The following GSAP variants were observed in gnomAD, a reference collection of about 807,000 sequenced individuals.
GSAP encodes gamma-secretase activating protein.
GSAP carries 118 observed loss-of-function variants against 131.7 expected under a neutral mutation model. The ratio of observed to expected loss-of-function variants is 0.90; its 90% CI spans 0.77 to 1.04. The LOEUF is 1.04. GSAP is among the 50% of genes least tolerant of loss of function. The pLI, the probability that GSAP is intolerant of heterozygous loss-of-function variation, is 0.00. For missense variants in GSAP, 1,019 were observed against 1,013.2 expected, an observed-to-expected ratio of 1.01 and a Z score of -0.08; for synonymous variants, 381 against 363.4, an observed-to-expected ratio of 1.05 and a Z score of -0.55.
chr7:77,361,050 A>G, intron 13 of GSAP, 149 bp from the exon 14 acceptor site: 1 of 584,220 alleles, frequency 1.7e-6, no homozygotes, highest in South Asian at 1.9e-5. Context: ...GGTTCCCCTC[A>G]TTCTCCAAAA....
intron 14 of GSAP, among the ~76,000 whole-genome samples, chr7:77,358,045 G>A (rs1219438033): frequency 6.6e-6 from 1 of 152,090 alleles, no homozygotes. Flanking sequence ...ATAAGGTAGG[G>A]TATTATTTTT....
intron 6 of GSAP, among the ~76,000 whole-genome samples, chr7:77,383,289 C>T (rs1044496226): frequency 6.6e-6 from 1 of 151,550 alleles, no homozygotes; most frequent in Non-Finnish European, 1.5e-5. Context: ...AGAAACAATG[C>T]AAACAACATT....
At chr7:77,377,751 C>CAG (rs1166586218) in intron 8 of GSAP, among the ~76,000 whole-genome samples, 1 of 152,200 alleles carries the variant, frequency 6.6e-6, no homozygotes, top group Non-Finnish European at 1.5e-5. Context: ...CAAGCCTCTG[C>CAG]AGACAAGAGC....
At chr7:77,333,049 C>T (rs1437670081) in intron 19 of GSAP, among the ~76,000 whole-genome samples, 1 of 152,176 alleles carries the variant, frequency 6.6e-6, no homozygotes, top group African/African-American at 2.4e-5. Context: ...CACCTGTAGT[C>T]CCAGCTACTT....
chr7:77,401,450 A>G (rs1801296217), intron 3 of GSAP, among the ~76,000 whole-genome samples: 1 of 152,160 alleles, frequency 6.6e-6, no homozygotes, highest in African/African-American at 2.4e-5. Flanking sequence ...CATGTTTTTC[A>G]AGAGAGGAAC....
intron 5 of GSAP, among the ~76,000 whole-genome samples, chr7:77,392,458 G>A (rs74617735): frequency 0.064 from 9,768 of 151,738 alleles, 424 homozygotes; most frequent in Non-Finnish European, 0.09. Flanking sequence ...TGAGGCAGGA[G>A]TATCGCTTGA....
At chr7:77,336,968 T>C (rs1425600908) in intron 19 of GSAP, among the ~76,000 whole-genome samples, 1 of 152,218 alleles carries the variant, frequency 6.6e-6, no homozygotes, top group Non-Finnish European at 1.5e-5. Flanking sequence ...AACACTGCTA[T>C]TGATGCTACA....
At chr7:77,395,698 A>G (rs1800261286) in intron 5 of GSAP, among the ~76,000 whole-genome samples, 1 of 152,126 alleles carries the variant, frequency 6.6e-6, no homozygotes, top group Non-Finnish European at 1.5e-5. Flanking sequence ...TCCCTTGCAG[A>G]CTAGGCTCTG....
intron 19 of GSAP, among the ~76,000 whole-genome samples, chr7:77,346,719 A>G (rs1387910903): frequency 1.8e-5 from 2 of 110,620 alleles, no homozygotes; most frequent in Admixed American, 9.7e-5. Flanking sequence ...CAAAAAAAGA[A>G]AAAAAAAAAA....
intron 9 of GSAP, 28 bp downstream of exon 9, chr7:77,377,258 A>AAAAAAAAAAAAAAT: frequency 1.2e-5 from 17 of 1,400,672 alleles, no homozygotes; most frequent in South Asian, 3.5e-5. Context: ...AAAAAAAAAA[A>AAAAAAAAAAAAAAT]GGAGTGCCCG....
chr7:77,379,762 C>A (rs1478865230), intron 8 of GSAP: 1 of 500,212 alleles, frequency 2.0e-6, no homozygotes, highest in Non-Finnish European at 2.6e-6. Flanking sequence ...CCCTCTCTGT[C>A]CTTGTGCTCC....
chr7:77,339,312 G>A (rs1400547784), intron 19 of GSAP, among the ~76,000 whole-genome samples: 1 of 152,142 alleles, frequency 6.6e-6, no homozygotes. Flanking sequence ...GAAATAGCAG[G>A]ATCAAGTGTC....
chr7:77,407,025 C>A (rs1447404585), intron 1 of GSAP, among the ~76,000 whole-genome samples: 1 of 152,122 alleles, frequency 6.6e-6, no homozygotes. Flanking sequence ...GGCTGGCCAG[C>A]GGGGCCTGAA....
At chr7:77,365,058 TCAAA>T (rs956445472) in intron 12 of GSAP, among the ~76,000 whole-genome samples, 6 of 152,306 alleles carry the variant, frequency 3.9e-5, no homozygotes, top group Middle Eastern at 3.4e-3. Context: ...CCTCCCAGGC[TCAAA>T]CAATCCTCCC....
chr7:77,330,658 C>T (rs1440738240), intron 19 of GSAP: 2 of 1,029,576 alleles, frequency 1.9e-6, no homozygotes, highest in African/African-American at 3.4e-5. Flanking sequence ...AGGACTTCCC[C>T]AGATTGAGGC....
intron 1 of GSAP, among the ~76,000 whole-genome samples, chr7:77,409,712 T>C (rs932487078): frequency 1.3e-5 from 2 of 152,138 alleles, no homozygotes; most frequent in African/African-American, 4.8e-5. Flanking sequence ...CGAGGAGAGA[T>C]CGTCGCAAAA....
In GSAP at chr7:77,311,862, C is replaced by G; in HGVS notation, c.2452G>C (p.Asp818His). 1 of 1,554,670 alleles carries G rather than the reference C, an allele frequency of 6.4e-7. No individual in the cohort carries two copies. Among genetic ancestry groups the G allele is most frequent in the Non-Finnish European group, 8.9e-7 (1 of 1,125,864 alleles). Residue 818 changes from aspartate (D) to histidine (H), a missense_variant, in exon 30 of 31, where the codon GAT (aspartate) becomes CAT (histidine). Physicochemically the swap from Asp to His is moderately conservative, Grantham distance 81 (BLOSUM62 -1). Coordinates refer to ENST00000257626, the MANE Select transcript of GSAP (RefSeq NM_017439.4). Reference sequence around the variant, plus strand: ...TTACCTTGATTGGAGGACTCTATATCTGTCAGAATTTCAATGAAGTAGTTC... The same window carrying G: ...TTACCTTGATTGGAGGACTCTATATGTGTCAGAATTTCAATGAAGTAGTTC... ...PLNYFIEILTDIESSNQALYP... is the reference protein window; with the variant it reads ...PLNYFIEILTHIESSNQALYP...
chr7:77,311,926 C>G lies in GSAP; in HGVS notation c.2388G>C (p.Met796Ile). The G allele has an allele frequency of 6.3e-7, 1 of 1,592,386 alleles. No individual in the cohort carries two copies. The highest frequency in any genetic ancestry group is 1.1e-5 in the South Asian group (1 of 90,614). The change falls in exon 30 of 31, where the codon ATG (methionine) becomes ATC (isoleucine). Residue 796 changes from methionine to isoleucine, a missense_variant. By Grantham distance (10) the Met-to-Ile change is conservative. Transcript: ENST00000257626. Reference protein sequence around the residue: ...QNYKKQPRNSMINKSSFSVEF... With the variant: ...QNYKKQPRNSIINKSSFSVEF... ...CTACACTGAACGATGACTTGTTAAT[C>G]ATAGAATTCCGAGGCTAAAAGGGAA...
intron 19 of GSAP, among the ~76,000 whole-genome samples, chr7:77,335,164 C>T (rs920217078): frequency 5.3e-5 from 8 of 152,092 alleles, no homozygotes; most frequent in Non-Finnish European, 1.0e-4. Context: ...CTTTGGGAGG[C>T]CAAGATGCGT....
Sources: allele counts gnomAD v4.1 joint callset (sites outside exome capture counted in the v4.1 genomes callset), GRCh38; gene constraint gnomAD v4.1.1; transcripts MANE v1.5; gene names NCBI Gene and HGNC (gene_info 2026-07-23, HGNC 2026-07-21).